MBD5: variants seen among roughly 807,000 people sequenced by gnomAD.
MBD5 encodes methyl-CpG-binding domain protein 5.
MBD5 carries 13 observed loss-of-function variants against 117.3 expected under a neutral mutation model. That is an observed-to-expected ratio of 0.11 (90% CI 0.07 to 0.18). The LOEUF (loss-of-function observed/expected upper bound fraction) is 0.18. Among genes scored for constraint, MBD5 ranks in the 10% least tolerant of loss-of-function variants. The pLI is 1.00. For synonymous variants in MBD5, 727 were observed against 766.4 expected, an observed-to-expected ratio of 0.95 and a Z score of 0.85; for missense variants, 1,879 against 2,093.8, an observed-to-expected ratio of 0.90 and a Z score of 2.00.
chr2:148,059,702 C>A (rs1036216849), intron 1 of MBD5, among the ~76,000 whole-genome samples: 1 of 151,950 alleles, frequency 6.6e-6, no homozygotes, highest in Non-Finnish European at 1.5e-5. Context: ...AAAAAATTAG[C>A]CGGGCGTGTG....
intron 4 of MBD5, among the ~76,000 whole-genome samples, chr2:148,387,364 G>GA (rs1574367038): frequency 6.6e-6 from 1 of 151,482 alleles, no homozygotes; most frequent in South Asian, 2.1e-4. Flanking sequence ...AGGAATGAAA[G>GA]AAAAAAAACC....
At chr2:148,453,563 T>C (rs1008208000) in intron 4 of MBD5, among the ~76,000 whole-genome samples, 1 of 152,056 alleles carries the variant, frequency 6.6e-6, no homozygotes, top group African/African-American at 2.4e-5. Flanking sequence ...ACAAAATCTT[T>C]AATTTTTGAC....
At chr2:148,345,484 CATATGTATATACACATACATAT>C (rs1559033218) in intron 4 of MBD5, among the ~76,000 whole-genome samples, 7 of 76,512 alleles carry the variant, frequency 9.1e-5, no homozygotes, top group Non-Finnish European at 2.0e-4. Context: ...CATACATATA[CATATGTATATACACATACATAT>C]ACATATGTAT....
chr2:148,305,520 G>T (rs1346599806), intron 3 of MBD5, among the ~76,000 whole-genome samples: 1 of 152,170 alleles, frequency 6.6e-6, no homozygotes, highest in East Asian at 1.9e-4. Context: ...ATCTTTAAAT[G>T]GTCGACTGAG....
intron 2 of MBD5, among the ~76,000 whole-genome samples, chr2:148,182,009 C>T (rs10205246): frequency 0.3 from 45,744 of 151,688 alleles, 8,441 homozygotes; most frequent in South Asian, 0.47. Context: ...TATTTCCTTC[C>T]TTCCCATCTT....
intron 3 of MBD5, among the ~76,000 whole-genome samples, chr2:148,309,542 G>A (rs1701977507): frequency 6.6e-6 from 1 of 152,086 alleles, no homozygotes. Flanking sequence ...GGAGATTTTG[G>A]GCTGAGACAA....
At chr2:148,454,006 G>C (rs1706808097) in intron 4 of MBD5, among the ~76,000 whole-genome samples, 1 of 151,982 alleles carries the variant, frequency 6.6e-6, no homozygotes. Flanking sequence ...TTATGTACAG[G>C]AATATTTTTA....
In MBD5 at chr2:148,483,103, A is replaced by G. The variant is rs200412749; in HGVS notation, c.2519-7A>G. 2 of 1,561,318 alleles carry G rather than the reference A, an allele frequency of 1.3e-6. No individual in the cohort carries two copies. The highest frequency in any genetic ancestry group is 8.6e-7 in the Non-Finnish European group (1 of 1,162,132). ...TGGGTTTTGTGTTTTTTTTTTTTTC[A>G]TTTTAGGCGGTTCAGGACCATCATC... On this transcript the variant is annotated splice_polypyrimidine_tract_variant and splice_region_variant and intron_variant, in intron 8 of 13. Transcript: ENST00000642680.
intron 4 of MBD5, among the ~76,000 whole-genome samples, chr2:148,391,821 A>G (rs996171536): frequency 2.6e-5 from 4 of 152,220 alleles, no homozygotes; most frequent in African/African-American, 9.6e-5. Context: ...CTGAAAACAG[A>G]TAAGTTAATA....
chr2:148,437,869 G>A (rs561944304), intron 4 of MBD5, among the ~76,000 whole-genome samples: 82 of 152,214 alleles, frequency 5.4e-4, no homozygotes, highest in Non-Finnish European at 8.5e-4. Context: ...GTCTTTTGAT[G>A]AGATTAATCA....
intron 2 of MBD5, among the ~76,000 whole-genome samples, chr2:148,180,279 C>T (rs551310007): frequency 6.8e-6 from 1 of 146,340 alleles, no homozygotes; most frequent in African/African-American, 2.5e-5. Flanking sequence ...GATTAGATAA[C>T]TATTTTTATG....
At chr2:148,280,720 A>G (rs1574234008) in intron 3 of MBD5, among the ~76,000 whole-genome samples, 1 of 152,134 alleles carries the variant, frequency 6.6e-6, no homozygotes, top group Non-Finnish European at 1.5e-5. Flanking sequence ...ATGAGCCACC[A>G]TGCCTGGCCT....
intron 3 of MBD5, among the ~76,000 whole-genome samples, chr2:148,334,452 TC>T (rs1702736271): frequency 6.6e-6 from 1 of 151,802 alleles, no homozygotes; most frequent in African/African-American, 2.4e-5. Context: ...CCTGCCTTAG[TC>T]CCCCAAGCAG....
chr2:148,420,820 C>T (rs116111983), intron 4 of MBD5, among the ~76,000 whole-genome samples: 2,080 of 152,160 alleles, frequency 0.014, 37 homozygotes, highest in Middle Eastern at 0.051. Context: ...TCCTGCCTCC[C>T]AGACTCAAGT....
intron 2 of MBD5, among the ~76,000 whole-genome samples, chr2:148,195,876 G>T (rs887736817): frequency 6.6e-6 from 1 of 152,108 alleles, no homozygotes; most frequent in African/African-American, 2.4e-5. Flanking sequence ...AATGTAAAAT[G>T]CAACTAACAC....
chr2:148,199,397 G>A (rs926140388), intron 2 of MBD5, among the ~76,000 whole-genome samples: 2 of 152,132 alleles, frequency 1.3e-5, no homozygotes, highest in African/African-American at 4.8e-5. Flanking sequence ...ATACATTTCA[G>A]CACTTCAATA....
At chr2:148,231,649 T>TA (rs1699989537) in intron 2 of MBD5, among the ~76,000 whole-genome samples, 1 of 152,170 alleles carries the variant, frequency 6.6e-6, no homozygotes, top group African/African-American at 2.4e-5. Flanking sequence ...TTATAGTCTT[T>TA]AAAAAATCTC....
At chr2:148,102,571 G>T (rs1025350828) in intron 1 of MBD5, among the ~76,000 whole-genome samples, 4 of 151,862 alleles carry the variant, frequency 2.6e-5, no homozygotes, top group Admixed American at 6.6e-5. Context: ...TCTTTCGGTG[G>T]TATCAGTATT....
At chr2:148,489,286 AT>A in intron 10 of MBD5, 99 bp from the exon 11 acceptor site, 3 of 1,411,688 alleles carry the variant, frequency 2.1e-6, no homozygotes, top group Non-Finnish European at 2.9e-6. Flanking sequence ...CCTTGTTAAT[AT>A]TTGTTTGTCT....
Sources: gnomAD v4.1 joint callset for allele counts (sites outside exome capture counted in the v4.1 genomes callset) on GRCh38, gnomAD v4.1.1 for gene constraint, MANE v1.5 for transcripts, NCBI Gene and HGNC (gene_info 2026-07-23, HGNC 2026-07-21) for gene names.